LIN52: variants seen among roughly 807,000 people sequenced by gnomAD.
LIN52 encodes protein lin-52 homolog.
A neutral mutation model predicts 18.5 loss-of-function variants in LIN52; 4 were observed. The ratio of observed to expected loss-of-function variants is 0.22; its 90% CI spans 0.11 to 0.49. The LOEUF is 0.49. LIN52 is among the 20% of genes least tolerant of loss of function. The pLI is 0.97. For synonymous variants in LIN52, 34 were observed against 45.5 expected (o/e 0.75, Z 1.02); for missense variants, 102 against 139.5 (o/e 0.73, Z 1.35).
intron 5 of LIN52, among the ~76,000 whole-genome samples, chr14:74,138,166 A>G (rs191894110): frequency 1.3e-5 from 2 of 152,344 alleles, no homozygotes; most frequent in East Asian, 1.9e-4. Flanking sequence ...TTTTCACACC[A>G]TGCTCCCTTT....
chr14:74,199,335 G>A lies in LIN52; in HGVS notation c.*358G>A, dbSNP rs2139602231. The A allele has an allele frequency of 5.2e-6, 1 of 194,144 alleles. No individual in the cohort carries two copies. Among genetic ancestry groups the A allele is most frequent in the African/African-American group, 2.3e-5 (1 of 42,916 alleles). The allele number at this position is 194,144 out of a possible 1,614,324, so 12.0% of individuals were successfully genotyped here. A position where few individuals can be genotyped will look rare whatever the true frequency, so the allele number is the denominator to read the frequency against. ...CTTACGGTTGATTTGACTCAGTCAT[G>A]GCAGTCAGTTGTGACATGTTGATTG... On this transcript the variant is annotated 3_prime_UTR_variant, in exon 6 of 6. Coordinates refer to ENST00000555028, the MANE Select transcript of LIN52 (RefSeq NM_001024674.3).
intron 5 of LIN52, among the ~76,000 whole-genome samples, chr14:74,152,826 G>A (rs1429368241): frequency 6.6e-6 from 1 of 151,920 alleles, no homozygotes; most frequent in Non-Finnish European, 1.5e-5. Flanking sequence ...TGGGCGTGGT[G>A]GCACATGCCT....
chr14:74,103,846 C>T (rs1017147753), intron 5 of LIN52, among the ~76,000 whole-genome samples: 5 of 141,354 alleles, frequency 3.5e-5, no homozygotes, highest in African/African-American at 1.3e-4. Context: ...CCTCAGCCTT[C>T]TGAGTAGCTG....
chr14:74,164,462 T>C (rs1159722038), intron 5 of LIN52, among the ~76,000 whole-genome samples: 1 of 151,492 alleles, frequency 6.6e-6, no homozygotes, highest in African/African-American at 2.4e-5. Context: ...TTTTTATATT[T>C]TTTGGTAGAG....
chr14:74,168,407 G>A (rs1013888852), intron 5 of LIN52, among the ~76,000 whole-genome samples: 6 of 152,120 alleles, frequency 3.9e-5, no homozygotes, highest in Non-Finnish European at 5.9e-5. Flanking sequence ...GGTGGCTCAC[G>A]CCTGTAGTCC....
rs1229961752 is a variant in LIN52 at position 74,161,445 on chromosome 14, C to CAA, written c.284-37474_284-37473dup. Among the ~76,000 whole-genome samples the CAA allele has an allele frequency of 2.6e-5, 4 of 152,274 alleles. No individual in the cohort carries two copies. In the South Asian group the frequency reaches 8.3e-4, roughly 32 times the overall value. On this transcript the variant is annotated intron_variant, in intron 5 of 5. Transcript: ENST00000555028. ...AGGTGATCCACCCTCCTTGGCCTCT[C>CAA]AAAAGTGCTGGGATTACCGGCGTCA... is the stretch of plus-strand genomic sequence containing the variant.
At chr14:74,107,615 C>T (rs989417298) in intron 5 of LIN52, among the ~76,000 whole-genome samples, 3 of 152,094 alleles carry the variant, frequency 2.0e-5, no homozygotes, top group African/African-American at 7.2e-5. Context: ...AGTCCTTGGA[C>T]TGATTGTAAC....
At chr14:74,095,514 TC>T (rs773042082) in intron 2 of LIN52, among the ~76,000 whole-genome samples, 18 of 152,150 alleles carry the variant, frequency 1.2e-4, no homozygotes, top group Non-Finnish European at 2.1e-4. Context: ...TGCCTTGACT[TC>T]TCAAAATGCC....
intron 2 of LIN52, among the ~76,000 whole-genome samples, chr14:74,094,856 T>C (rs1268009171): frequency 1.3e-5 from 2 of 152,060 alleles, no homozygotes; most frequent in African/African-American, 2.4e-5. Flanking sequence ...GCCTCCTGAA[T>C]AGCTGGGACT....
At chr14:74,122,963 G>A (rs1409311232) in intron 5 of LIN52, among the ~76,000 whole-genome samples, 1 of 152,166 alleles carries the variant, frequency 6.6e-6, no homozygotes, top group Non-Finnish European at 1.5e-5. Context: ...ATCTGCAGGT[G>A]TTCCCTGACC....
intron 5 of LIN52, among the ~76,000 whole-genome samples, chr14:74,168,011 G>T (rs922427484): frequency 1.3e-5 from 2 of 152,190 alleles, no homozygotes; most frequent in Admixed American, 6.5e-5. Flanking sequence ...ACTCTTGGAA[G>T]AACTTTCCAA....
intron 5 of LIN52, among the ~76,000 whole-genome samples, chr14:74,120,376 C>T (rs10143717): frequency 0.55 from 83,867 of 151,356 alleles, 24,298 homozygotes; most frequent in East Asian, 0.89. Flanking sequence ...CCCAGCACTT[C>T]GGGAGGCCAA....
At chr14:74,197,311 A>G (rs890976934) in intron 5 of LIN52, among the ~76,000 whole-genome samples, 9 of 152,228 alleles carry the variant, frequency 5.9e-5, no homozygotes, top group Non-Finnish European at 1.2e-4. Flanking sequence ...TTCGCAGTGC[A>G]GCAGAGCAAG....
At chr14:74,114,534 A>ATC in intron 5 of LIN52, 2 of 621,300 alleles carry the variant, frequency 3.2e-6, no homozygotes, top group Non-Finnish European at 4.0e-6. Context: ...ATTAGAGCTT[A>ATC]CCATGATGTT....
chr14:74,182,186 A>AT (rs2061320942), intron 5 of LIN52, among the ~76,000 whole-genome samples: 2 of 151,880 alleles, frequency 1.3e-5, no homozygotes, highest in Admixed American at 1.3e-4. Flanking sequence ...AATTCTTTGT[A>AT]TTTTTTGTGG....
intron 5 of LIN52, among the ~76,000 whole-genome samples, chr14:74,182,187 T>C (rs1260556831): frequency 1.3e-5 from 2 of 152,124 alleles, no homozygotes; most frequent in Non-Finnish European, 2.9e-5. Flanking sequence ...ATTCTTTGTA[T>C]TTTTTGTGGA....
chr14:74,195,580 G>A (rs1311169612), intron 5 of LIN52, among the ~76,000 whole-genome samples: 2 of 152,020 alleles, frequency 1.3e-5, no homozygotes, highest in African/African-American at 2.4e-5. Context: ...GTGTGTGCGC[G>A]TGTAGACGAG....
intron 5 of LIN52, among the ~76,000 whole-genome samples, chr14:74,110,745 A>T (rs983836684): frequency 6.6e-6 from 1 of 151,898 alleles, no homozygotes; most frequent in African/African-American, 2.4e-5. Context: ...CAGGCAGATC[A>T]CGAGGTCAGG....
chr14:74,170,196 A>G (rs551831673), intron 5 of LIN52, among the ~76,000 whole-genome samples: 15 of 152,328 alleles, frequency 9.8e-5, no homozygotes, highest in South Asian at 2.1e-4. Context: ...TGTGAGCTCC[A>G]TGAGAGCCAG....
Sources: allele counts gnomAD v4.1 joint callset (sites outside exome capture counted in the v4.1 genomes callset), GRCh38; gene constraint gnomAD v4.1.1; transcripts MANE v1.5; gene names NCBI Gene and HGNC (gene_info 2026-07-23, HGNC 2026-07-21).